The following XPO7 variants were observed in gnomAD, a reference collection of about 807,000 sequenced individuals.
XPO7 encodes exportin 7, also known as exportin-7.
In XPO7, 21 loss-of-function variants were observed where a neutral mutation model predicts 144.3. The observed-to-expected ratio is 0.15, with a 90% CI of 0.10 to 0.21. XPO7 has a LOEUF of 0.21. Ranked by LOEUF, XPO7 falls within the 10% of genes least tolerant of loss-of-function variation. The pLI is 1.00. For missense variants in XPO7, 808 were observed against 1,325.8 expected (o/e 0.61, Z 6.06); for synonymous variants, 580 against 499.6 (o/e 1.16, Z -2.15).
chr8:21,980,982 A>G (rs1266882345), intron 9 of XPO7, among the ~76,000 whole-genome samples: 1 of 138,420 alleles, frequency 7.2e-6, no homozygotes, highest in Non-Finnish European at 1.6e-5. Context: ...TCTCTATACT[A>G]GAAGAAAATT....
chr8:21,988,910 C>CTCA (rs1812666498), intron 15 of XPO7, 93 bp from the exon 16 acceptor site: 1 of 1,183,396 alleles, frequency 8.5e-7, no homozygotes, highest in East Asian at 2.5e-5. Flanking sequence ...TGTGTGGTGA[C>CTCA]TTTTGATGAA....
At chr8:21,985,495 A>G in intron 12 of XPO7, 91 bp from the exon 13 acceptor site, 1 of 1,193,386 alleles carries the variant, frequency 8.4e-7, no homozygotes, top group Non-Finnish European at 1.2e-6. Context: ...TGGTTTCACC[A>G]CAGTGTTCTT....
At chr8:21,922,132 T>A (rs1043417777) in intron 1 of XPO7, among the ~76,000 whole-genome samples, 1 of 152,216 alleles carries the variant, frequency 6.6e-6, no homozygotes, top group African/African-American at 2.4e-5. Context: ...GTTGCATTTG[T>A]TGAACTAAAT....
chr8:21,984,195 G>A (rs146227616), intron 11 of XPO7, among the ~76,000 whole-genome samples: 1 of 152,230 alleles, frequency 6.6e-6, no homozygotes, highest in East Asian at 1.9e-4. Context: ...GGTTTTATAT[G>A]ATATGGTAGA....
intron 25 of XPO7, 54 bp downstream of exon 25, chr8:22,002,326 C>A: frequency 6.3e-7 from 1 of 1,578,976 alleles, no homozygotes; most frequent in Non-Finnish European, 8.6e-7. Context: ...AGAGGAAGGA[C>A]CTCTGCAAGA....
At position 21,989,000 on chromosome 8, in the gene XPO7, CA is replaced by C; in HGVS notation, c.1788-2del. The C allele has an allele frequency of 6.2e-7, 1 of 1,612,584 alleles. No individual in the cohort carries two copies. On this transcript the variant is annotated splice_acceptor_variant, in intron 15 of 27. Transcript: ENST00000252512. LOFTEE classifies it high-confidence loss of function. ...TGCTTTTTTTTTTCTTTTTGTCCTC[CA>C]GCATCACCAACTTGAAGTACTGGGG...
rs745834316 is a variant in XPO7, at chr8:21,966,908, A to G, written c.70A>G (p.Thr24Ala). The G allele has an allele frequency of 1.2e-6, 2 of 1,614,022 alleles. No homozygotes were observed. Among genetic ancestry groups the G allele is most frequent in the Non-Finnish European group, 1.7e-6 (2 of 1,179,878 alleles). The change falls in exon 2 of 28, where the codon ACA becomes GCA. Residue 24 changes from threonine to alanine, a missense_variant. Thr to Ala is a moderately conservative substitution (Grantham distance 58). Transcript: ENST00000252512. ...LCKQLYETTD[T>A]TTRLQAEKAL... is the part of the protein sequence containing the mutation. ...CAAACAGCTGTATGAAACCACAGACACAACCACTCGACTCCAGGCAGAGAA... is the reference window on the plus strand; with the variant it reads ...CAAACAGCTGTATGAAACCACAGACGCAACCACTCGACTCCAGGCAGAGAA...
chr8:21,930,306 G>C (rs1339977243), intron 1 of XPO7, among the ~76,000 whole-genome samples: 9 of 152,180 alleles, frequency 5.9e-5, no homozygotes, highest in Non-Finnish European at 1.3e-4. Context: ...CATGTACTGT[G>C]TGCCAGATTG....
intron 4 of XPO7, among the ~76,000 whole-genome samples, chr8:21,970,787 A>G (rs1812031761): frequency 1.3e-5 from 2 of 152,032 alleles, no homozygotes; most frequent in Admixed American, 1.3e-4. Flanking sequence ...GCAGTCCCGT[A>G]AAATTATAAT....
intron 18 of XPO7, among the ~76,000 whole-genome samples, chr8:21,991,256 A>T (rs1469209345): frequency 1.3e-5 from 2 of 152,202 alleles, no homozygotes; most frequent in Admixed American, 1.3e-4. Flanking sequence ...GTGTAAACCC[A>T]CTTGAAACAG....
intron 9 of XPO7, among the ~76,000 whole-genome samples, chr8:21,980,429 C>G (rs1227348507): frequency 6.6e-6 from 1 of 152,084 alleles, no homozygotes; most frequent in Non-Finnish European, 1.5e-5. Flanking sequence ...AATCACTTCG[C>G]TATAAGGAAA....
chr8:21,952,547 G>C (rs1811405843), intron 1 of XPO7, among the ~76,000 whole-genome samples: 3 of 151,988 alleles, frequency 2.0e-5, no homozygotes, highest in African/African-American at 7.3e-5. Flanking sequence ...AGTAACAGTA[G>C]GTTATTTAAT....
chr8:21,998,970 C>T (rs1813044394), intron 22 of XPO7, 121 bp from the exon 23 acceptor site: 1 of 1,421,368 alleles, frequency 7.0e-7, no homozygotes, highest in East Asian at 2.3e-5. Context: ...AATACATGTG[C>T]ATTAGAGTGC....
At chr8:21,926,856 C>G (rs1429796949) in intron 1 of XPO7, among the ~76,000 whole-genome samples, 1 of 152,198 alleles carries the variant, frequency 6.6e-6, no homozygotes, top group Non-Finnish European at 1.5e-5. Context: ...ATATTTTTGT[C>G]TTCAGCTTGT....
chr8:21,969,677 T>C lies in XPO7; in HGVS notation c.259+101T>C, dbSNP rs1811989763. On this transcript the variant is annotated intron_variant, in intron 3 of 27. Transcript: ENST00000252512. ...GTGTTTGTTCAATGATATGCTGAGATTGCTAACCATACAAAATGTCTAGAA... is the reference window on the plus strand; with the variant it reads ...GTGTTTGTTCAATGATATGCTGAGACTGCTAACCATACAAAATGTCTAGAA... The C allele has an allele frequency of 8.9e-6, 10 of 1,129,398 alleles. No individual in the cohort carries two copies. In the Admixed American group the frequency reaches 1.4e-4, roughly 16 times the overall value. The allele number at this position is 1,129,398 out of a possible 1,614,324, so 70.0% of individuals were successfully genotyped here.
At chr8:21,935,934 T>C (rs1029483951) in intron 1 of XPO7, among the ~76,000 whole-genome samples, 1 of 152,216 alleles carries the variant, frequency 6.6e-6, no homozygotes, top group Non-Finnish European at 1.5e-5. Flanking sequence ...ATTCTGTCCC[T>C]TGGGGTTTTC....
At chr8:21,943,723 C>A (rs1811068770) in intron 1 of XPO7, among the ~76,000 whole-genome samples, 1 of 152,150 alleles carries the variant, frequency 6.6e-6, no homozygotes, top group African/African-American at 2.4e-5. Context: ...TGAAAGACAT[C>A]CTACTATTAA....
At chr8:21,984,544 G>C in intron 11 of XPO7, 102 bp from the exon 12 acceptor site, 1 of 1,113,750 alleles carries the variant, frequency 9.0e-7, no homozygotes, top group African/African-American at 1.6e-5. Flanking sequence ...GACCTCTACA[G>C]TCAGAAATGG....
At chr8:21,943,500 A>G (rs565186928) in intron 1 of XPO7, among the ~76,000 whole-genome samples, 1 of 152,346 alleles carries the variant, frequency 6.6e-6, no homozygotes, top group Admixed American at 6.5e-5. Context: ...GTTTCTTGCC[A>G]TAATTTATTT....
Sources: gnomAD v4.1 joint callset for allele counts (sites outside exome capture counted in the v4.1 genomes callset) on GRCh38, gnomAD v4.1.1 for gene constraint, MANE v1.5 for transcripts, NCBI Gene and HGNC (gene_info 2026-07-23, HGNC 2026-07-21) for gene names.